The following KLHL7 variants were observed in gnomAD, a reference collection of about 807,000 sequenced individuals.
KLHL7 encodes the protein kelch-like protein 7.
KLHL7 carries 44 observed loss-of-function variants against 67.4 expected under a neutral mutation model. That is an observed-to-expected ratio of 0.65 (90% CI 0.51 to 0.84). The LOEUF is 0.84. KLHL7 is among the 40% of genes least tolerant of loss of function. The pLI is 0.00. For synonymous variants in KLHL7, 252 were observed against 243.3 expected (o/e 1.04, Z -0.33); for missense variants, 362 against 718.1 (o/e 0.50, Z 5.67).
chr7:23,156,487 T>C (rs1214272930), intron 7 of KLHL7, among the ~76,000 whole-genome samples: 4 of 152,232 alleles, frequency 2.6e-5, no homozygotes, highest in Non-Finnish European at 5.9e-5. Context: ...ACGATATTAA[T>C]ACCTAAATAA....
intron 6 of KLHL7, among the ~76,000 whole-genome samples, chr7:23,151,808 A>G (rs1426581321): frequency 1.3e-5 from 2 of 152,146 alleles, no homozygotes; most frequent in African/African-American, 2.4e-5. Context: ...GGAGCCAGAT[A>G]ATTCACTGGT....
chr7:23,151,557 A>G lies in KLHL7; in HGVS notation c.794-510A>G, dbSNP rs569043792. On this transcript the variant is annotated intron_variant, in intron 6 of 10. Coordinates refer to ENST00000339077, the MANE Select transcript of KLHL7 (RefSeq NM_001031710.3). ...GGGCCTGGGATTCAGCATTTCTAAC[A>G]AACTCCCAAATGCTGAAGCAGGTGG... Among the ~76,000 whole-genome samples the G allele has an allele frequency of 9.8e-5, 15 of 152,344 alleles. No individual in the cohort carries two copies. The East Asian group carries it at 2.9e-3, about 29-fold the overall frequency.
At position 23,105,891 on chromosome 7, in the gene KLHL7, C is replaced by T; in HGVS notation, c.-136C>T. Reference sequence around the variant, plus strand: ...GCAGTGGCCGAGCCACCGCCGCCTGCCGCGCGTTCCAGAGCTGGGCGCTGC... The same window carrying T: ...GCAGTGGCCGAGCCACCGCCGCCTGTCGCGCGTTCCAGAGCTGGGCGCTGC... On this transcript the variant is annotated 5_prime_UTR_variant, in exon 1 of 11. Coordinates refer to ENST00000339077, the MANE Select transcript of KLHL7 (RefSeq NM_001031710.3). 7.2e-7 allele frequency: 1 copy of T among 1,379,504 alleles called. No homozygotes were observed. The highest frequency in any genetic ancestry group is 1.2e-5 in the South Asian group (1 of 80,138). 85.5% of individuals were successfully genotyped at this position (1,379,504 alleles called of 1,614,324 possible).
chr7:23,128,284 C>G (rs559510607), intron 4 of KLHL7, among the ~76,000 whole-genome samples: 1 of 150,988 alleles, frequency 6.6e-6, no homozygotes, highest in African/African-American at 2.4e-5. Context: ...TGATACGAAA[C>G]AAAAATGCAA....
At chr7:23,157,405 T>C (rs1366954189) in intron 7 of KLHL7, among the ~76,000 whole-genome samples, 1 of 152,194 alleles carries the variant, frequency 6.6e-6, no homozygotes, top group East Asian at 1.9e-4. Flanking sequence ...TCCCTTAAGC[T>C]TCCTTAGTTG....
chr7:23,139,945 GC>G (rs1248205912), intron 4 of KLHL7, among the ~76,000 whole-genome samples: 4 of 146,320 alleles, frequency 2.7e-5, no homozygotes, highest in Non-Finnish European at 4.5e-5. Context: ...AAATGTAAAA[GC>G]TATTCTTAGT....
At chr7:23,154,312 G>T (rs183230851) in intron 7 of KLHL7, among the ~76,000 whole-genome samples, 1 of 152,070 alleles carries the variant, frequency 6.6e-6, no homozygotes, top group East Asian at 1.9e-4. Flanking sequence ...CTGAGATCAC[G>T]CCACGGCACT....
At position 23,123,682 on chromosome 7, in the gene KLHL7, T is replaced by C. The variant is rs542356642; in HGVS notation, c.121-95T>C. On this transcript the variant is annotated intron_variant, in intron 1 of 10. Coordinates refer to ENST00000339077, the MANE Select transcript of KLHL7 (RefSeq NM_001031710.3). ...AAAAAGATTGGCTTTAAATAGAAAATAGAGATAAAGCATTTGGCAAGCACC... is the reference window on the plus strand; with the variant it reads ...AAAAAGATTGGCTTTAAATAGAAAACAGAGATAAAGCATTTGGCAAGCACC... The C allele has an allele frequency of 8.1e-4, 639 of 784,346 alleles. 1 individual carries two copies. The highest frequency in any genetic ancestry group is 1.1e-3 in the South Asian group (72 of 64,964). 48.6% of individuals were successfully genotyped at this position (784,346 alleles called of 1,614,324 possible).
chr7:23,106,428 C>G, intron 1 of KLHL7: 1 of 1,277,122 alleles, frequency 7.8e-7, no homozygotes, highest in Non-Finnish European at 1.0e-6. Context: ...GGTTGTGTAA[C>G]AGCTCTGCCC....
In KLHL7 at chr7:23,176,196, C is replaced by T. The variant is rs1401761373; in HGVS notation, c.*1898C>T. ...TTTATTCTCTCACAATTCAGGAAGC[C>T]AGCACTCCTAAATCAAGTTGTCAGC... On this transcript the variant is annotated 3_prime_UTR_variant, in exon 11 of 11. Coordinates refer to ENST00000339077, the MANE Select transcript of KLHL7 (RefSeq NM_001031710.3). The T allele has an allele frequency of 1.3e-5, 2 of 152,074 alleles. No individual in the cohort carries two copies. Among genetic ancestry groups the T allele is most frequent in the Non-Finnish European group, 2.9e-5 (2 of 68,036 alleles). The allele number at this position is 152,074 out of a possible 1,614,324, so 9.4% of individuals were successfully genotyped here.
rs148220454 is a variant in KLHL7, at chr7:23,117,184, T to C, written c.121-6593T>C. On this transcript the variant is annotated intron_variant, in intron 1 of 10. Coordinates refer to ENST00000339077, the MANE Select transcript of KLHL7 (RefSeq NM_001031710.3). Reference sequence around the variant, plus strand: ...CTCACTGCAACCTCTGCCTCCCGGGTTCAAGTGATTCTCCTGCCTCAGCCT... The same window carrying C: ...CTCACTGCAACCTCTGCCTCCCGGGCTCAAGTGATTCTCCTGCCTCAGCCT... Among the ~76,000 whole-genome samples, 901 of 145,480 alleles carry C rather than the reference T, an allele frequency of 6.2e-3. 12 individuals carry two copies. The highest frequency in any genetic ancestry group is 0.021 in the African/African-American group (837 of 39,212).
chr7:23,143,734 T>C, intron 5 of KLHL7, 117 bp from the exon 6 acceptor site: 1 of 1,056,314 alleles, frequency 9.5e-7, no homozygotes. Flanking sequence ...TGAAAAATAC[T>C]AGAAATAAGT....
intron 1 of KLHL7, chr7:23,118,104 A>T: frequency 2.0e-6 from 2 of 1,001,290 alleles, no homozygotes; most frequent in Non-Finnish European, 3.0e-6. Flanking sequence ...ACATGGACCC[A>T]ACTGCCTTTT....
At position 23,174,070 on chromosome 7, in the gene KLHL7, C is replaced by G; in HGVS notation, c.1533C>G (p.Val511=). 2 of 1,614,076 alleles carry G rather than the reference C, an allele frequency of 1.2e-6. No homozygotes were observed. Among genetic ancestry groups the G allele is most frequent in the Non-Finnish European group, 1.7e-6 (2 of 1,179,940 alleles). Residue 511 remains valine, a synonymous_variant, in exon 11 of 11, where the codon GTC becomes GTG. Transcript: ENST00000339077. ...YDIKLNEWKM[V]SPMPWKGVTV... is the part of the protein sequence containing the mutation. ...TTAAGTTGAACGAATGGAAGATGGTCTCACCAATGCCATGGAAGGGTGTAA... is the reference window on the plus strand; with the variant it reads ...TTAAGTTGAACGAATGGAAGATGGTGTCACCAATGCCATGGAAGGGTGTAA...
chr7:23,108,726 G>A (rs889237934), intron 1 of KLHL7, among the ~76,000 whole-genome samples: 1 of 152,206 alleles, frequency 6.6e-6, no homozygotes, highest in African/African-American at 2.4e-5. Context: ...ATTCATGAAA[G>A]TCTGCAGCAC....
intron 1 of KLHL7, chr7:23,106,435 G>A (rs953333393): frequency 2.4e-6 from 3 of 1,264,368 alleles, no homozygotes; most frequent in Non-Finnish European, 3.0e-6. Context: ...TAACAGCTCT[G>A]CCCTAGTTAT....
rs116199838 is a variant in KLHL7, at chr7:23,147,818, A to T, written c.793+3793A>T. On this transcript the variant is annotated intron_variant, in intron 6 of 10. Transcript: ENST00000339077. ...TCAAACCTCGAACCTGCATGAGGGT[A>T]AGACTGTCCATATAAATTCTCAAAA... Among the ~76,000 whole-genome samples, 1,145 of 152,344 alleles carry T rather than the reference A, an allele frequency of 7.5e-3. 18 individuals are homozygous for T. The highest frequency in any genetic ancestry group is 0.026 in the African/African-American group (1,066 of 41,572).
At position 23,106,135 on chromosome 7, in the gene KLHL7, A is replaced by T; in HGVS notation, c.109A>T (p.Met37Leu). The stretch of plus-strand genomic sequence containing the variant: ...GGGTTTCATGGGCGTCATGAATAAC[A>T]TGCGGAAACAGGTACCGCCTCTGTG... ...LAGFMGVMNN[M>L]RKQKTLCDVI... Residue 37 changes from methionine (M) to leucine (L), a missense_variant, in exon 1 of 11, where the codon ATG becomes TTG. This residue lies in a region of KLHL7 where 57 missense variants were observed against 81.7 expected (regional missense o/e 0.70). Transcript: ENST00000339077. 1 of 1,610,532 alleles carries T rather than the reference A, an allele frequency of 6.2e-7. No individual in the cohort carries two copies. Among genetic ancestry groups the T allele is most frequent in the Non-Finnish European group, 8.5e-7 (1 of 1,178,594 alleles).
In KLHL7 at chr7:23,157,480, C is replaced by T. The variant is rs567679306; in HGVS notation, c.936+5271C>T. Among the ~76,000 whole-genome samples the T allele has an allele frequency of 8.5e-5, 13 of 152,254 alleles. 1 individual carries two copies. The South Asian group carries it at 2.7e-3, about 32-fold the overall frequency. On this transcript the variant is annotated intron_variant, in intron 7 of 10. Coordinates refer to ENST00000339077, the MANE Select transcript of KLHL7 (RefSeq NM_001031710.3). ...CAGTTTGTGCATGAAAGGTATTCTCCCTGATTCTTTGAAGGCAGTTTGTTA... is the reference window on the plus strand; with the variant it reads ...CAGTTTGTGCATGAAAGGTATTCTCTCTGATTCTTTGAAGGCAGTTTGTTA...
Sources: gnomAD v4.1 joint callset for allele counts (sites outside exome capture counted in the v4.1 genomes callset) on GRCh38, gnomAD v4.1.1 for gene constraint, gnomAD v4.1.1 regional missense constraint, MANE v1.5 for transcripts, NCBI Gene and HGNC (gene_info 2026-07-23, HGNC 2026-07-21) for gene names.